The following GBF1 variants were observed in gnomAD, a reference collection of about 807,000 sequenced individuals.
GBF1 encodes Golgi-specific brefeldin A-resistance guanine nucleotide exchange factor 1.
In GBF1, 114 loss-of-function variants were observed where a neutral mutation model predicts 210.5. That is an observed-to-expected ratio of 0.54 (90% confidence interval 0.47 to 0.63). The LOEUF (loss-of-function observed/expected upper bound fraction) is 0.63. GBF1 is among the 30% of genes least tolerant of loss of function. The probability of loss-of-function intolerance (pLI) is 0.00; values close to 1 mark genes in which losing one functional copy is unlikely to be tolerated. For synonymous variants in GBF1, 850 were observed against 889.2 expected, an observed-to-expected ratio of 0.96 and a Z score of 0.78; for missense variants, 1,851 against 2,357.7, an observed-to-expected ratio of 0.79 and a Z score of 4.45.
In GBF1 at chr10:102,358,741, A is replaced by AT; in HGVS notation, c.1011+17dup. ...AGCCTGACCTCCAGGTATGGCTTTGATTTTTAATGTCCCTCTTCAGTATTC... is the reference window on the plus strand; with the variant it reads ...AGCCTGACCTCCAGGTATGGCTTTGATTTTTTAATGTCCCTCTTCAGTATTC... On this transcript the variant is annotated intron_variant, in intron 10 of 39. Transcript: ENST00000369983. The AT allele has an allele frequency of 2.0e-6, 3 of 1,522,226 alleles. No individual in the cohort carries two copies. In the South Asian group the frequency reaches 3.4e-5, roughly 17 times the overall value. The allele number at this position is 1,522,226 out of a possible 1,614,324, so 94.3% of individuals were successfully genotyped here.
chr10:102,292,111 G>C (rs973444719), intron 3 of GBF1, among the ~76,000 whole-genome samples: 1 of 151,722 alleles, frequency 6.6e-6, no homozygotes, highest in African/African-American at 2.4e-5. Flanking sequence ...GGATGGTCTC[G>C]ATCTCTTGAC....
intron 3 of GBF1, among the ~76,000 whole-genome samples, chr10:102,309,055 T>G (rs1414449400): frequency 2.0e-5 from 3 of 152,188 alleles, no homozygotes; most frequent in Non-Finnish European, 4.4e-5. Context: ...AATAGTGCTC[T>G]GTGTCTTGAT....
chr10:102,348,129 G>A (rs956521087), intron 4 of GBF1, among the ~76,000 whole-genome samples: 1 of 152,014 alleles, frequency 6.6e-6, no homozygotes, highest in East Asian at 1.9e-4. Flanking sequence ...TAGAGATGGG[G>A]TCTCGCTGTA....
the GBF1 span, among the ~76,000 whole-genome samples, chr10:102,236,504 G>T: frequency 6.6e-6 from 1 of 152,176 alleles, no homozygotes; most frequent in African/African-American, 2.4e-5. Context: ...AGTACAGAGG[G>T]CCTACAGGTA....
chr10:102,322,718 CAAAAAA>C (rs61470777), intron 3 of GBF1, among the ~76,000 whole-genome samples: 17 of 80,468 alleles, frequency 2.1e-4, no homozygotes, highest in African/African-American at 6.1e-4. Context: ...CTCATCTCTA[CAAAAAA>C]AAAAAAAAAA....
At chr10:102,241,697 G>T (rs2070542747), upstream of GBF1, among the ~76,000 whole-genome samples, 1 of 152,238 alleles carries the variant, frequency 6.6e-6, no homozygotes, top group South Asian at 2.1e-4. The surrounding 1 kb of genome is among the most constrained non-coding windows in gnomAD (Gnocchi z 6.7). Context: ...CAAGAACCCC[G>T]CCCTCTGGCC....
chr10:102,327,890 G>A (rs560262456), intron 3 of GBF1, among the ~76,000 whole-genome samples: 3 of 152,318 alleles, frequency 2.0e-5, no homozygotes, highest in African/African-American at 7.2e-5. Context: ...TCTGTCCCAT[G>A]TTTTGTGAAA....
intron 3 of GBF1, among the ~76,000 whole-genome samples, chr10:102,331,239 G>T (rs2057312835): frequency 6.6e-6 from 1 of 152,142 alleles, no homozygotes; most frequent in South Asian, 2.1e-4. Context: ...TTCTGTCATG[G>T]TCATCTTGAA....
At chr10:102,332,406 A>G (rs138487010) in intron 3 of GBF1, among the ~76,000 whole-genome samples, 6 of 150,138 alleles carry the variant, frequency 4.0e-5, no homozygotes, top group Middle Eastern at 3.4e-3. Flanking sequence ...TTTTTGAAAC[A>G]GAGTCTTGCT....
Position 102,368,521 on chromosome 10 carries a change from G to A in GBF1, c.2879+67G>A, listed in dbSNP as rs529384978. On this transcript the variant is annotated intron_variant, in intron 22 of 39. Coordinates refer to ENST00000369983, the MANE Select transcript of GBF1 (RefSeq NM_001377137.1). ...TGTGAGCTAACATGGTTTTCTCCAT[G>A]CCTCTCTGACTCCTACTGTTACTTC... 2.4e-5 allele frequency: 24 copies of A among 991,718 alleles called. No homozygotes were observed. In the East Asian group the frequency reaches 5.2e-4, roughly 22 times the overall value. The allele number at this position is 991,718 out of a possible 1,614,324, so 61.4% of individuals were successfully genotyped here.
chr10:102,259,110 C>T (rs1241097142), intron 2 of GBF1, 76 bp downstream of exon 2: 8 of 798,618 alleles, frequency 1.0e-5, no homozygotes, highest in Non-Finnish European at 1.8e-5. Context: ...AAAGAGTAAT[C>T]AAATTCCTAG....
At chr10:102,371,687 G>A (rs535458209) in intron 29 of GBF1, among the ~76,000 whole-genome samples, 20 of 152,256 alleles carry the variant, frequency 1.3e-4, no homozygotes, top group African/African-American at 4.1e-4. Context: ...TCAGCACTGC[G>A]GGAGGCCACA....
At chr10:102,233,282 T>C in the GBF1 span, among the ~76,000 whole-genome samples, 1 of 148,926 alleles carries the variant, frequency 6.7e-6, no homozygotes, top group Non-Finnish European at 1.5e-5. Context: ...GTTTACGACT[T>C]CTTTCTTTTT....
intron 3 of GBF1, among the ~76,000 whole-genome samples, chr10:102,327,285 C>T (rs1434094886): frequency 6.6e-6 from 1 of 152,104 alleles, no homozygotes; most frequent in Admixed American, 6.6e-5. Flanking sequence ...AGAACCTAGG[C>T]CCTTAGGGGA....
intron 3 of GBF1, among the ~76,000 whole-genome samples, chr10:102,281,966 G>C (rs1321130469): frequency 2.1e-3 from 291 of 141,754 alleles, no homozygotes; most frequent in African/African-American, 7.3e-3. Flanking sequence ...TCGCTCTGTC[G>C]CCCAGGCTGG....
chr10:102,240,902 G>C (rs1290210787), upstream of GBF1, among the ~76,000 whole-genome samples: 1 of 152,196 alleles, frequency 6.6e-6, no homozygotes, highest in Non-Finnish European at 1.5e-5. Context: ...CTGAGCCTAG[G>C]CCGAGGGGCA....
intron 35 of GBF1, 24 bp downstream of exon 35, chr10:102,379,675 G>A: frequency 6.2e-7 from 1 of 1,613,532 alleles, no homozygotes; most frequent in Non-Finnish European, 8.5e-7. Context: ...CTGGTCTTAA[G>A]ATAAAGTTCA....
At chr10:102,370,522 T>G in intron 28 of GBF1, 44 bp downstream of exon 28, 1 of 1,493,228 alleles carries the variant, frequency 6.7e-7, no homozygotes, top group Non-Finnish European at 9.3e-7. Context: ...GCTGGGCTTG[T>G]GCCAAAGGGA....
chr10:102,379,255 T>G, intron 33 of GBF1, 29 bp from the exon 34 acceptor site: 2 of 1,605,002 alleles, frequency 1.2e-6, no homozygotes, highest in Non-Finnish European at 1.7e-6. Flanking sequence ...CTAACCCCAC[T>G]CACATCCTGC....
Sources: gnomAD v4.1 joint callset for allele counts (sites outside exome capture counted in the v4.1 genomes callset) on GRCh38, gnomAD v4.1.1 for gene constraint, Gnocchi (gnomAD v3.1) non-coding constraint, MANE v1.5 for transcripts, NCBI Gene and HGNC (gene_info 2026-07-23, HGNC 2026-07-21) for gene names.